PHKB: variants seen among roughly 807,000 people sequenced by gnomAD.
The protein encoded by PHKB is phosphorylase b kinase regulatory subunit beta.
Under a neutral mutation model 152.1 loss-of-function variants are expected in PHKB, and 122 were observed. The observed-to-expected ratio is 0.80, with a 90% CI of 0.69 to 0.93. The LOEUF (loss-of-function observed/expected upper bound fraction) is 0.93, where lower values mean the gene tolerates loss of function less well. Among genes scored for constraint, PHKB ranks in the 40% least tolerant of loss-of-function variants. The pLI is 0.00. For synonymous variants in PHKB, 436 were observed against 464.9 expected, an observed-to-expected ratio of 0.94 and a Z score of 0.80; for missense variants, 1,304 against 1,328.4, an observed-to-expected ratio of 0.98 and a Z score of 0.29.
intron 1 of PHKB, among the ~76,000 whole-genome samples, chr16:47,486,964 A>G (rs1970059734): frequency 6.6e-6 from 1 of 152,234 alleles, no homozygotes; most frequent in African/African-American, 2.4e-5. Flanking sequence ...CAATTAGCTA[A>G]GGCAGGAGAA....
At chr16:47,696,511 T>G (rs1349857476) in intron 29 of PHKB, 23 bp downstream of exon 29, 10 of 1,283,736 alleles carry the variant, frequency 7.8e-6, no homozygotes, top group Non-Finnish European at 1.1e-5. Context: ...AAATGAAGAT[T>G]GCTGAATAAA....
chr16:47,637,313 G>A (rs150748105), intron 14 of PHKB, among the ~76,000 whole-genome samples: 52 of 152,274 alleles, frequency 3.4e-4, no homozygotes, highest in African/African-American at 1.2e-3. Flanking sequence ...TCACCAAATG[G>A]CAGGACTGAA....
chr16:47,654,798 G>A (rs1973304512), intron 20 of PHKB, among the ~76,000 whole-genome samples: 2 of 143,514 alleles, frequency 1.4e-5, no homozygotes, highest in African/African-American at 5.2e-5. Flanking sequence ...ACCAGGGCCT[G>A]TTGTGTGGTG....
intron 16 of PHKB, among the ~76,000 whole-genome samples, chr16:47,646,782 A>G (rs1238696759): frequency 6.6e-6 from 1 of 152,004 alleles, no homozygotes; most frequent in East Asian, 1.9e-4. Flanking sequence ...ATTACATTTC[A>G]AAGAGAATGT....
At chr16:47,671,500 G>A (rs1196838442) in intron 26 of PHKB, among the ~76,000 whole-genome samples, 2 of 152,012 alleles carry the variant, frequency 1.3e-5, no homozygotes, top group African/African-American at 2.4e-5. Context: ...TATTTACCAT[G>A]CTTTCTTATA....
intron 5 of PHKB, among the ~76,000 whole-genome samples, chr16:47,513,983 C>T (rs1970553108): frequency 1.3e-5 from 2 of 152,118 alleles, no homozygotes; most frequent in African/African-American, 4.8e-5. Context: ...AAACATTGTA[C>T]CCATTAGGTT....
intron 8 of PHKB, among the ~76,000 whole-genome samples, chr16:47,581,208 A>G (rs1971838604): frequency 6.6e-6 from 1 of 152,206 alleles, no homozygotes; most frequent in African/African-American, 2.4e-5. Flanking sequence ...TATCTACTCA[A>G]GTCTTGAATT....
chr16:47,654,252 A>G (rs1169923156), intron 20 of PHKB, among the ~76,000 whole-genome samples: 2 of 152,348 alleles, frequency 1.3e-5, no homozygotes, highest in South Asian at 4.1e-4. Context: ...CCACAAAGAG[A>G]TACCATCTCA....
intron 7 of PHKB, among the ~76,000 whole-genome samples, chr16:47,572,788 G>T (rs1037498668): frequency 3.3e-5 from 5 of 152,184 alleles, no homozygotes; most frequent in Admixed American, 1.3e-4. Context: ...CAGGCCCAAG[G>T]CCTCCTGAGC....
intron 1 of PHKB, among the ~76,000 whole-genome samples, chr16:47,471,258 C>G (rs76144640): frequency 6.6e-6 from 1 of 152,018 alleles, no homozygotes; most frequent in Non-Finnish European, 1.5e-5. Flanking sequence ...ACTGAAAAGG[C>G]CATTATGGGT....
intron 7 of PHKB, among the ~76,000 whole-genome samples, chr16:47,576,231 A>C (rs1434595225): frequency 6.6e-6 from 1 of 152,154 alleles, no homozygotes; most frequent in Non-Finnish European, 1.5e-5. Flanking sequence ...ATTTCCCTCT[A>C]TTCCTAGTTT....
intron 20 of PHKB, among the ~76,000 whole-genome samples, chr16:47,660,191 G>A (rs747969238): frequency 6.6e-6 from 1 of 152,120 alleles, no homozygotes; most frequent in Non-Finnish European, 1.5e-5. Context: ...ACATTTTAAT[G>A]GTTACTGAAT....
At chr16:47,648,503 G>T in intron 16 of PHKB, 30 bp from the exon 17 acceptor site, 1 of 1,421,874 alleles carries the variant, frequency 7.0e-7, no homozygotes, top group South Asian at 1.1e-5. Flanking sequence ...ATTCTTACCT[G>T]ACTCTAATTT....
chr16:47,614,204 A>G (rs1031835410), intron 14 of PHKB, among the ~76,000 whole-genome samples: 8 of 152,154 alleles, frequency 5.3e-5, no homozygotes, highest in South Asian at 2.1e-4. Flanking sequence ...ACCAGATCTT[A>G]TGAGAACTCA....
At chr16:47,682,343 T>C (rs947570281) in intron 26 of PHKB, among the ~76,000 whole-genome samples, 3 of 152,204 alleles carry the variant, frequency 2.0e-5, no homozygotes, top group Non-Finnish European at 2.9e-5. Flanking sequence ...TCCTGGATCA[T>C]ATCCCTCAGA....
At chr16:47,678,588 A>G (rs2142089584) in intron 26 of PHKB, among the ~76,000 whole-genome samples, 1 of 152,028 alleles carries the variant, frequency 6.6e-6, no homozygotes, top group African/African-American at 2.4e-5. Context: ...GTGTCTGTTC[A>G]TGTCCTTCGC....
At chr16:47,511,489 G>A (rs939476910) in intron 4 of PHKB, among the ~76,000 whole-genome samples, 176 bp from the exon 5 acceptor site, 3 of 152,182 alleles carry the variant, frequency 2.0e-5, no homozygotes, top group East Asian at 1.9e-4. Context: ...ACTCTATCAA[G>A]TTAGTAGTTA....
Position 47,669,371 on chromosome 16 carries a change from T to C in PHKB, c.2584T>C (p.Ser862Pro), listed in dbSNP as rs1303721620. The C allele has an allele frequency of 6.2e-7, 1 of 1,614,034 alleles. No homozygotes were observed. Among genetic ancestry groups the C allele is most frequent in the Non-Finnish European group, 8.5e-7 (1 of 1,179,992 alleles). Reference protein sequence around the residue: ...ELVIHIGWIISNNPELFSGML... With the variant: ...ELVIHIGWIIPNNPELFSGML... Reference sequence around the variant, plus strand: ...GGTCATCCATATTGGCTGGATCATCTCCAATAACCCTGAGTTATTCAGTGG... The same window carrying C: ...GGTCATCCATATTGGCTGGATCATCCCCAATAACCCTGAGTTATTCAGTGG... The change falls in exon 26 of 31, where the codon TCC becomes CCC. Residue 862 changes from serine to proline, a missense_variant. Coordinates refer to ENST00000323584, the MANE Select transcript of PHKB (RefSeq NM_000293.3).
At chr16:47,653,659 A>G (rs1047283963) in intron 20 of PHKB, among the ~76,000 whole-genome samples, 5 of 152,192 alleles carry the variant, frequency 3.3e-5, no homozygotes, top group African/African-American at 1.2e-4. Flanking sequence ...TGTCCCTCCC[A>G]TTCCAGGATG....
Sources: allele counts gnomAD v4.1 joint callset (sites outside exome capture counted in the v4.1 genomes callset), GRCh38; gene constraint gnomAD v4.1.1; transcripts MANE v1.5; gene names NCBI Gene and HGNC (gene_info 2026-07-23, HGNC 2026-07-21).